TARS3: variants seen among roughly 807,000 people sequenced by gnomAD.
The protein encoded by TARS3 is threonine--tRNA ligase 2, cytoplasmic.
A neutral mutation model predicts 103.5 loss-of-function variants in TARS3; 94 were observed. The observed-to-expected ratio is 0.91, with a 90% confidence interval of 0.77 to 1.08. TARS3 has a LOEUF of 1.08. TARS3 is among the 50% of genes least tolerant of loss of function. The pLI is 0.00. For synonymous variants in TARS3, 416 were observed against 355.4 expected, an observed-to-expected ratio of 1.17 and a Z score of -1.92; for missense variants, 952 against 995.2, an observed-to-expected ratio of 0.96 and a Z score of 0.58.
intron 12 of TARS3, among the ~76,000 whole-genome samples, chr15:101,678,956 T>C (rs1898143621): frequency 1.3e-5 from 2 of 152,216 alleles, no homozygotes; most frequent in Non-Finnish European, 1.5e-5. Flanking sequence ...AAAAGTATTG[T>C]GCCACTTCCT....
At chr15:101,679,988 G>A (rs577744015) in intron 12 of TARS3, among the ~76,000 whole-genome samples, 2 of 152,218 alleles carry the variant, frequency 1.3e-5, no homozygotes, top group African/African-American at 2.4e-5. Context: ...TCCACTAGAC[G>A]TCTTCTGACA....
At chr15:101,705,205 T>G (rs1306976539) in intron 7 of TARS3, among the ~76,000 whole-genome samples, 4 of 152,228 alleles carry the variant, frequency 2.6e-5, no homozygotes, top group Non-Finnish European at 5.9e-5. Context: ...GATCCTGCCT[T>G]TGTTTCCCAG....
intron 3 of TARS3, 90 bp downstream of exon 3, chr15:101,721,036 G>T: frequency 9.4e-7 from 1 of 1,066,206 alleles, no homozygotes; most frequent in Non-Finnish European, 1.4e-6. Flanking sequence ...TGAGAATGGA[G>T]TAATATATTA....
At chr15:101,675,307 T>TA (rs1185310957) in intron 13 of TARS3, among the ~76,000 whole-genome samples, 1 of 152,164 alleles carries the variant, frequency 6.6e-6, no homozygotes, top group East Asian at 1.9e-4. Context: ...AACCGAGAGT[T>TA]ACAGCAATCA....
chr15:101,710,714 T>C (rs1899820345), intron 5 of TARS3, among the ~76,000 whole-genome samples: 1 of 152,196 alleles, frequency 6.6e-6, no homozygotes, highest in Non-Finnish European at 1.5e-5. Flanking sequence ...GGTGCTCGGT[T>C]GGGGAGGTCA....
chr15:101,722,395 T>G (rs1900519432), intron 2 of TARS3, among the ~76,000 whole-genome samples: 2 of 151,840 alleles, frequency 1.3e-5, no homozygotes, highest in African/African-American at 4.8e-5. Context: ...CCAGACTAAC[T>G]TCTTTGGGCC....
Position 101,708,877 on chromosome 15 carries a change from C to G in TARS3, c.846G>C (p.Glu282Asp). 1 of 1,609,736 alleles carries G rather than the reference C, an allele frequency of 6.2e-7. No homozygotes were observed. Among genetic ancestry groups the G allele is most frequent in the Non-Finnish European group, 8.5e-7 (1 of 1,178,540 alleles). ...AVSSTELSAL[E>D]NICKAIIKEK... ...CTTTTATGATGGCTTTACATATATT[C>G]TCCAGGGCTGACAATTCTGTGCTGG... is the stretch of plus-strand genomic sequence containing the variant. The change falls in exon 6 of 19, where the codon GAG becomes GAC. Residue 282 changes from glutamate (E) to aspartate (D), a missense_variant. This residue lies in a region of TARS3 where 412 missense variants were observed against 364.2 expected (regional missense o/e 1.13). Coordinates refer to ENST00000335968, the MANE Select transcript of TARS3 (RefSeq NM_152334.3).
chr15:101,671,504 A>C lies in TARS3; in HGVS notation c.1949T>G (p.Phe650Cys). The change falls in exon 15 of 19, where the codon TTT becomes TGT. Residue 650 changes from phenylalanine (F) to cysteine (C), a missense_variant. Phe to Cys is a radical substitution (Grantham distance 205). Around this residue, in one of 2 missense-constraint regions of TARS3, gnomAD observed 540 missense variants for 631.0 expected, o/e 0.86. Coordinates refer to ENST00000335968, the MANE Select transcript of TARS3 (RefSeq NM_152334.3). ...IQLDFQLPIR[F>C]NLTYVSKDGD... ...CACTCACCTAACATATGTGAGATTA[A>C]ATCTAATAGGCAGTTGGAAGTCCAG... 1 of 1,607,542 alleles carries C rather than the reference A, an allele frequency of 6.2e-7. No homozygotes were observed. The highest frequency in any genetic ancestry group is 8.5e-7 in the Non-Finnish European group (1 of 1,174,440).
chr15:101,687,229 C>A (rs554611602), intron 10 of TARS3, among the ~76,000 whole-genome samples: 1 of 151,890 alleles, frequency 6.6e-6, no homozygotes, highest in Non-Finnish European at 1.5e-5. Flanking sequence ...ATGATGAAAC[C>A]CCATCTCCAC....
chr15:101,717,744 G>A (rs1322626621), intron 3 of TARS3, among the ~76,000 whole-genome samples: 2 of 152,220 alleles, frequency 1.3e-5, no homozygotes, highest in Non-Finnish European at 2.9e-5. Flanking sequence ...AAGACCGTAT[G>A]GAGACATGTC....
chr15:101,656,975 G>A lies in TARS3; in HGVS notation c.2207C>T (p.Thr736Ile). Residue 736 changes from threonine (T) to isoleucine (I), a missense_variant, in exon 18 of 19, where the codon ACA becomes ATA. Coordinates refer to ENST00000335968, the MANE Select transcript of TARS3 (RefSeq NM_152334.3). Reference sequence around the variant, plus strand: ...TGCATTTCGTATTTTCTTATTTAGTGTACAACTGTGATCCAAGTCAACGTC... The same window carrying A: ...TGCATTTCGTATTTTCTTATTTAGTATACAACTGTGATCCAAGTCAACGTC... ...MADVDLDHSC[T>I]LNKKIRNAQL... The A allele has an allele frequency of 6.2e-7, 1 of 1,613,722 alleles. No individual in the cohort carries two copies. Among genetic ancestry groups the A allele is most frequent in the Admixed American group, 1.7e-5 (1 of 60,010 alleles).
chr15:101,656,580 G>T (rs952214182), intron 18 of TARS3, among the ~76,000 whole-genome samples: 31 of 152,160 alleles, frequency 2.0e-4, no homozygotes, highest in African/African-American at 7.2e-4. Flanking sequence ...CCAGAAAAGT[G>T]AGGGAAAATA....
intron 7 of TARS3, among the ~76,000 whole-genome samples, chr15:101,704,804 T>C (rs1207150653): frequency 2.6e-5 from 4 of 152,062 alleles, no homozygotes; most frequent in African/African-American, 9.7e-5. Flanking sequence ...AGCTCAAGCA[T>C]TAGAAGCCAG....
chr15:101,660,346 G>A (rs1897330468), intron 16 of TARS3, among the ~76,000 whole-genome samples: 1 of 152,224 alleles, frequency 6.6e-6, no homozygotes, highest in African/African-American at 2.4e-5. Flanking sequence ...ACAAGATGTT[G>A]TCTGCCAGCT....
At chr15:101,657,888 A>G (rs752906707) in intron 16 of TARS3, 31 bp from the exon 17 acceptor site, 67 of 1,348,524 alleles carry the variant, frequency 5.0e-5, no homozygotes, top group Non-Finnish European at 5.1e-5. Context: ...ATGTATTTTC[A>G]AAGTGTAATA....
rs534655283 is a variant in TARS3, at chr15:101,672,575, G to A, written c.1789-827C>T. On this transcript the variant is annotated intron_variant, in intron 13 of 18. Transcript: ENST00000335968. Reference sequence around the variant, plus strand: ...AGAGCCGTGGCAGAGTCTTAGGGCCGAAGCTGCCATCATCAAGAAAGCTGA... The same window carrying A: ...AGAGCCGTGGCAGAGTCTTAGGGCCAAAGCTGCCATCATCAAGAAAGCTGA... Among the ~76,000 whole-genome samples, 158 of 152,172 alleles carry A rather than the reference G, an allele frequency of 1.0e-3. 1 individual carries two copies. The highest frequency in any genetic ancestry group is 3.5e-3 in the African/African-American group (144 of 41,516).
At chr15:101,676,648 G>A (rs572366761) in intron 12 of TARS3, among the ~76,000 whole-genome samples, 2 of 151,704 alleles carry the variant, frequency 1.3e-5, no homozygotes, top group African/African-American at 4.8e-5. Context: ...ACAGGTGCTC[G>A]CCACCATGCT....
At position 101,654,290 on chromosome 15, in the gene TARS3, T is replaced by G. The variant is rs145734220; in HGVS notation, c.*292A>C. ...TTTGAAAATCACTAACATTTCATAATCATTTCCTAGTGTTTTGTTTCACTT... is the reference window on the plus strand; with the variant it reads ...TTTGAAAATCACTAACATTTCATAAGCATTTCCTAGTGTTTTGTTTCACTT... On this transcript the variant is annotated 3_prime_UTR_variant, in exon 19 of 19. Coordinates refer to ENST00000335968, the MANE Select transcript of TARS3 (RefSeq NM_152334.3). 52 of 281,886 alleles carry G rather than the reference T, an allele frequency of 1.8e-4. No homozygotes were observed. The East Asian group carries it at 3.4e-3, about 18-fold the overall frequency. The allele number at this position is 281,886 out of a possible 1,614,324, so 17.5% of individuals were successfully genotyped here.
intron 10 of TARS3, among the ~76,000 whole-genome samples, chr15:101,688,070 GC>G (rs1380405431): frequency 6.6e-6 from 1 of 151,994 alleles, no homozygotes; most frequent in African/African-American, 2.4e-5. Flanking sequence ...TGAAGTGTCA[GC>G]AACTATTATA....
Sources: allele counts gnomAD v4.1 joint callset (sites outside exome capture counted in the v4.1 genomes callset), GRCh38; gene constraint gnomAD v4.1.1; regional missense constraint gnomAD v4.1.1; transcripts MANE v1.5; gene names NCBI Gene and HGNC (gene_info 2026-07-23, HGNC 2026-07-21).